The following MEGF9 variants were observed in gnomAD, a reference collection of about 807,000 sequenced individuals.
MEGF9 encodes multiple EGF like domains 9.
Under a neutral mutation model 46.8 loss-of-function variants are expected in MEGF9, and 6 were observed. That is an observed-to-expected ratio of 0.13 (90% CI 0.07 to 0.25). The LOEUF (loss-of-function observed/expected upper bound fraction) is 0.25, where lower values mean the gene tolerates loss of function less well. Ranked by LOEUF, MEGF9 falls within the 10% of genes least tolerant of loss-of-function variation. The probability of loss-of-function intolerance (pLI) is 1.00; values close to 1 mark genes in which losing one functional copy is unlikely to be tolerated. For synonymous variants in MEGF9, 302 were observed against 330.7 expected (o/e 0.91, Z 0.94); for missense variants, 683 against 792.4 (o/e 0.86, Z 1.66).
Position 120,664,879 on chromosome 9 carries a change from T to TA in MEGF9, c.602-5305dup, listed in dbSNP as rs375247889. ...ATTCATTCAACAACAATTTCACTCT[T>TA]ATTGTTAGTTGATGCACAATAATAA... On this transcript the variant is annotated intron_variant, in intron 1 of 5. Transcript: ENST00000373930. 2.1e-3 allele frequency among the ~76,000 whole-genome samples: 320 copies of TA among 152,360 alleles called. 1 individual carries two copies. The highest frequency in any genetic ancestry group is 7.2e-3 in the African/African-American group (301 of 41,590).
At chr9:120,639,830 T>C (rs2043594516) in intron 2 of MEGF9, among the ~76,000 whole-genome samples, 1 of 152,198 alleles carries the variant, frequency 6.6e-6, no homozygotes, top group African/African-American at 2.4e-5. Context: ...AGGTCTTTGA[T>C]CTACCTGAAA....
Position 120,712,529 on chromosome 9 carries a change from G to T in MEGF9, c.601+1229C>A, listed in dbSNP as rs904752409. 2.6e-5 allele frequency among the ~76,000 whole-genome samples: 4 copies of T among 152,190 alleles called. No homozygotes were observed. The East Asian group carries it at 7.7e-4, about 29-fold the overall frequency. ...CAAAAGGGGTTACAGGTAAAACCCAGCTAGCTAATGCATTCCTTGAAGCTG... is the reference window on the plus strand; with the variant it reads ...CAAAAGGGGTTACAGGTAAAACCCATCTAGCTAATGCATTCCTTGAAGCTG... On this transcript the variant is annotated intron_variant, in intron 1 of 5. Transcript: ENST00000373930.
At position 120,605,281 on chromosome 9, in the gene MEGF9, T is replaced by C; in HGVS notation, c.1718A>G (p.Asp573Gly). Residue 573 changes from aspartate (D) to glycine (G), a missense_variant, in exon 6 of 6, where the codon GAT (aspartate) becomes GGT (glycine). Asp to Gly is a moderately conservative substitution (Grantham distance 94). Around this residue, in one of 2 missense-constraint regions of MEGF9, gnomAD observed 313 missense variants for 421.1 expected, o/e 0.74. Coordinates refer to ENST00000373930, the MANE Select transcript of MEGF9 (RefSeq NM_001080497.3). The surrounding 1 kb of genome is among the most constrained non-coding windows in gnomAD (Gnocchi z 4.0). ...SSYHDSIPNA[D>G]VSGLLEDDGN... ...ATCATCTTCCAACAATCCCGAAACA[T>C]CTGCATTGGGAATGCTGTCATGGTA... 2 of 1,614,022 alleles carry C rather than the reference T, an allele frequency of 1.2e-6. No individual in the cohort carries two copies. The highest frequency in any genetic ancestry group is 1.1e-5 in the South Asian group (1 of 91,084).
At chr9:120,697,477 T>C (rs1322216213) in intron 1 of MEGF9, among the ~76,000 whole-genome samples, 1 of 152,128 alleles carries the variant, frequency 6.6e-6, no homozygotes, top group African/African-American at 2.4e-5. Context: ...CTAGAGTCCA[T>C]ATTAAGTTAA....
At chr9:120,608,239 A>G (rs1408431866) in intron 4 of MEGF9, among the ~76,000 whole-genome samples, 7 of 152,264 alleles carry the variant, frequency 4.6e-5, no homozygotes, top group African/African-American at 1.7e-4. Flanking sequence ...GAGACATATA[A>G]TAATCTCTAT....
At chr9:120,636,042 C>A (rs1212834199) in intron 2 of MEGF9, among the ~76,000 whole-genome samples, 2 of 152,250 alleles carry the variant, frequency 1.3e-5, no homozygotes, top group Admixed American at 6.5e-5. Context: ...TCAAGCGATT[C>A]TCTTGCCTCA....
chr9:120,706,809 C>T (rs1411157), intron 1 of MEGF9, among the ~76,000 whole-genome samples: 89,999 of 151,926 alleles, frequency 0.59, 29,124 homozygotes, highest in South Asian at 0.75. Flanking sequence ...CACTCCAGCC[C>T]GGGACACAGA....
intron 1 of MEGF9, among the ~76,000 whole-genome samples, chr9:120,697,821 C>T (rs780520046): frequency 2.0e-5 from 3 of 152,040 alleles, no homozygotes; most frequent in Non-Finnish European, 2.9e-5. Context: ...CATCTCAGAA[C>T]CAGTGCTGAG....
At chr9:120,656,851 C>T (rs1002367278) in intron 2 of MEGF9, among the ~76,000 whole-genome samples, 3 of 152,038 alleles carry the variant, frequency 2.0e-5, no homozygotes, top group South Asian at 2.1e-4. Flanking sequence ...GGGAGGCCAA[C>T]GCAGGAGGAT....
At chr9:120,673,091 T>C (rs115851184) in intron 1 of MEGF9, among the ~76,000 whole-genome samples, 2,935 of 152,322 alleles carry the variant, frequency 0.019, 109 homozygotes, top group African/African-American at 0.068. Context: ...TTTCTATGTG[T>C]TATGAATGAA....
At chr9:120,690,037 G>T in intron 1 of MEGF9, 1 of 503,968 alleles carries the variant, frequency 2.0e-6, no homozygotes, top group East Asian at 5.7e-5. Flanking sequence ...TGTGGCAAAT[G>T]GGTCTGCCCA....
At chr9:120,617,844 T>C (rs1348976174) in intron 3 of MEGF9, among the ~76,000 whole-genome samples, 3 of 152,192 alleles carry the variant, frequency 2.0e-5, no homozygotes, top group African/African-American at 7.2e-5. Context: ...GTTTTGAAGA[T>C]AGGGCTGATG....
intron 2 of MEGF9, among the ~76,000 whole-genome samples, chr9:120,623,162 C>G (rs192250178): frequency 6.6e-6 from 1 of 152,294 alleles, no homozygotes. Context: ...CTGTCCTCAG[C>G]TAGTAAGTCA....
At chr9:120,704,631 T>C (rs2043920335) in intron 1 of MEGF9, among the ~76,000 whole-genome samples, 1 of 152,226 alleles carries the variant, frequency 6.6e-6, no homozygotes, top group African/African-American at 2.4e-5. Flanking sequence ...ACAAAACCTA[T>C]AAAGGTTTGA....
chr9:120,706,223 T>A (rs1440648618), intron 1 of MEGF9, among the ~76,000 whole-genome samples: 1 of 152,184 alleles, frequency 6.6e-6, no homozygotes, highest in Non-Finnish European at 1.5e-5. Flanking sequence ...GGGTCTTTTT[T>A]AAAAATCAAG....
At chr9:120,609,223 C>G (rs1175338051) in intron 4 of MEGF9, among the ~76,000 whole-genome samples, 2 of 152,146 alleles carry the variant, frequency 1.3e-5, no homozygotes, top group Non-Finnish European at 2.9e-5. Context: ...AAAAGAACTC[C>G]CAAATACCCA....
intron 2 of MEGF9, among the ~76,000 whole-genome samples, chr9:120,630,411 G>T (rs1451880585): frequency 6.6e-6 from 1 of 152,136 alleles, no homozygotes; most frequent in African/African-American, 2.4e-5. Flanking sequence ...CCACTCTTCT[G>T]GTGATGGACA....
chr9:120,618,230 AC>A (rs1254412554), intron 3 of MEGF9, among the ~76,000 whole-genome samples: 1 of 152,240 alleles, frequency 6.6e-6, no homozygotes. Flanking sequence ...GACAAACTTG[AC>A]AAGCTCTGAG....
intron 1 of MEGF9, among the ~76,000 whole-genome samples, chr9:120,671,342 C>T (rs1157631112): frequency 6.6e-6 from 1 of 152,182 alleles, no homozygotes; most frequent in Non-Finnish European, 1.5e-5. Flanking sequence ...TTAGATCCTC[C>T]AGCTGTAGCC....
Sources: gnomAD v4.1 joint callset for allele counts (sites outside exome capture counted in the v4.1 genomes callset) on GRCh38, gnomAD v4.1.1 for gene constraint, gnomAD v4.1.1 regional missense constraint, Gnocchi (gnomAD v3.1) non-coding constraint, MANE v1.5 for transcripts, NCBI Gene and HGNC (gene_info 2026-07-23, HGNC 2026-07-21) for gene names.